LTBP1: variants seen among roughly 807,000 people sequenced by gnomAD.
LTBP1 encodes latent transforming growth factor beta binding protein 1.
Under a neutral mutation model 207.6 loss-of-function variants are expected in LTBP1, and 129 were observed. The observed-to-expected ratio is 0.62, with a 90% CI of 0.54 to 0.72. LTBP1 has a LOEUF of 0.72. Ranked by LOEUF, LTBP1 falls within the 30% of genes least tolerant of loss-of-function variation. The probability of loss-of-function intolerance (pLI) is 0.00; values close to 1 mark genes in which losing one functional copy is unlikely to be tolerated. For synonymous variants in LTBP1, 963 were observed against 833.7 expected (o/e 1.16, Z -2.67); for missense variants, 2,281 against 2,217.2 (o/e 1.03, Z -0.58).
intron 22 of LTBP1, among the ~76,000 whole-genome samples, chr2:33,307,574 T>G (rs904252126): frequency 6.6e-6 from 1 of 152,232 alleles, no homozygotes; most frequent in Non-Finnish European, 1.5e-5. Flanking sequence ...GGGATGGAAA[T>G]GCCTGTTCCT....
At chr2:33,176,057 A>G (rs1397720881) in intron 5 of LTBP1, among the ~76,000 whole-genome samples, 1 of 151,532 alleles carries the variant, frequency 6.6e-6, no homozygotes, top group East Asian at 1.9e-4. Flanking sequence ...CTAATGCTAA[A>G]TGACGAGTTA....
intron 31 of LTBP1, among the ~76,000 whole-genome samples, chr2:33,378,715 T>A (rs892855679): frequency 1.1e-4 from 16 of 152,226 alleles, no homozygotes; most frequent in African/African-American, 3.9e-4. Flanking sequence ...TTGAATTTCT[T>A]TTGACCTCTT....
At chr2:33,018,182 C>G (rs1688652590) in intron 2 of LTBP1, among the ~76,000 whole-genome samples, 1 of 150,426 alleles carries the variant, frequency 6.6e-6, no homozygotes, top group African/African-American at 2.4e-5. Context: ...ATGACTGTCT[C>G]CCCACCCCCC....
At chr2:33,341,679 C>G (rs1472276567) in intron 24 of LTBP1, among the ~76,000 whole-genome samples, 3 of 140,368 alleles carry the variant, frequency 2.1e-5, no homozygotes, top group Non-Finnish European at 3.0e-5. Flanking sequence ...CCACTGCACT[C>G]CAGCCTGGGC....
intron 3 of LTBP1, among the ~76,000 whole-genome samples, chr2:33,027,441 T>C (rs2149282552): frequency 6.6e-6 from 1 of 152,350 alleles, no homozygotes; most frequent in East Asian, 1.9e-4. Context: ...CCATGCTCTT[T>C]GTTAGATCTC....
At chr2:33,354,607 C>T (rs1331747707) in intron 26 of LTBP1, among the ~76,000 whole-genome samples, 3 of 151,364 alleles carry the variant, frequency 2.0e-5, no homozygotes, top group Non-Finnish European at 4.4e-5. Context: ...TACCTAAAGT[C>T]ATATCTGAGT....
chr2:33,372,980 T>C (rs114501809), intron 31 of LTBP1, among the ~76,000 whole-genome samples: 196 of 152,386 alleles, frequency 1.3e-3, no homozygotes, highest in Non-Finnish European at 2.3e-3. Flanking sequence ...AAGAAAATTA[T>C]ACATATTTGA....
chr2:33,328,061 G>C (rs1168885016), intron 24 of LTBP1, among the ~76,000 whole-genome samples: 1 of 151,668 alleles, frequency 6.6e-6, no homozygotes, highest in Non-Finnish European at 1.5e-5. Context: ...CTTGAAACCG[G>C]AAGGTGAAGG....
At chr2:33,294,575 ATTTTTTTT>A (rs1181582118) in intron 20 of LTBP1, among the ~76,000 whole-genome samples, 2 of 124,886 alleles carry the variant, frequency 1.6e-5, no homozygotes, top group East Asian at 2.4e-4. Flanking sequence ...ATTGGGTAAA[ATTTTTTTT>A]TTTTTTTTTT....
At chr2:33,060,530 G>A (rs368741494) in intron 3 of LTBP1, among the ~76,000 whole-genome samples, 22 of 151,528 alleles carry the variant, frequency 1.5e-4, no homozygotes, top group African/African-American at 5.3e-4. Flanking sequence ...GTGTGTGTAT[G>A]TATGTGTGTG....
chr2:33,281,141 G>A (rs1453725705), intron 19 of LTBP1, among the ~76,000 whole-genome samples: 1 of 152,146 alleles, frequency 6.6e-6, no homozygotes, highest in Non-Finnish European at 1.5e-5. Flanking sequence ...TATATTGAGA[G>A]GAAAAACTGA....
At chr2:33,307,270 C>T (rs1182519332) in intron 22 of LTBP1, among the ~76,000 whole-genome samples, 4 of 152,122 alleles carry the variant, frequency 2.6e-5, no homozygotes, top group Non-Finnish European at 5.9e-5. Context: ...ACCCATGCAT[C>T]GTTTTCCTGG....
chr2:33,274,007 A>G (rs2093373371), intron 16 of LTBP1, among the ~76,000 whole-genome samples: 1 of 152,358 alleles, frequency 6.6e-6, no homozygotes, highest in Non-Finnish European at 1.5e-5. Flanking sequence ...ATATATTTAC[A>G]TAAAGGTGAA....
chr2:33,315,363 C>A, intron 24 of LTBP1, 94 bp downstream of exon 24: 1 of 1,474,524 alleles, frequency 6.8e-7, no homozygotes, highest in Non-Finnish European at 9.3e-7. Flanking sequence ...CTAAGAGGTA[C>A]TGCATAATTC....
intron 3 of LTBP1, among the ~76,000 whole-genome samples, chr2:33,094,949 T>C (rs1049738333): frequency 1.1e-4 from 16 of 152,230 alleles, no homozygotes; most frequent in African/African-American, 3.4e-4. Context: ...GAGATGGAAT[T>C]ATTTCCAAAT....
At chr2:33,264,926 C>A (rs2093132059) in intron 15 of LTBP1, among the ~76,000 whole-genome samples, 2 of 151,966 alleles carry the variant, frequency 1.3e-5, no homozygotes, top group Non-Finnish European at 2.9e-5. Flanking sequence ...ACCCAAAGGC[C>A]TGAGAAGCAG....
intron 31 of LTBP1, among the ~76,000 whole-genome samples, chr2:33,383,472 G>A (rs17012919): frequency 0.014 from 2,118 of 152,256 alleles, 30 homozygotes; most frequent in African/African-American, 0.047. Flanking sequence ...CACCATTGTC[G>A]TTAATCCATG....
intron 7 of LTBP1, among the ~76,000 whole-genome samples, chr2:33,203,001 C>A (rs1279711614): frequency 1.3e-5 from 2 of 152,224 alleles, no homozygotes; most frequent in African/African-American, 4.8e-5. Flanking sequence ...GCCATCTGGG[C>A]TTTTCTTCAG....
intron 22 of LTBP1, among the ~76,000 whole-genome samples, chr2:33,305,317 A>T (rs113261981): frequency 6.6e-6 from 1 of 150,928 alleles, no homozygotes. Flanking sequence ...GAGCAAGACT[A>T]TGTCTCAAAA....
Sources: gnomAD v4.1 joint callset for allele counts (sites outside exome capture counted in the v4.1 genomes callset) on GRCh38, gnomAD v4.1.1 for gene constraint, MANE v1.5 for transcripts, NCBI Gene and HGNC (gene_info 2026-07-23, HGNC 2026-07-21) for gene names.